The following NTRK3 variants were observed in gnomAD, a reference collection of about 807,000 sequenced individuals.
NTRK3 encodes NT-3 growth factor receptor.
Under a neutral mutation model 91.7 loss-of-function variants are expected in NTRK3, and 24 were observed. That is an observed-to-expected ratio of 0.26 (90% CI 0.19 to 0.37). The LOEUF (loss-of-function observed/expected upper bound fraction) is 0.37, where lower values mean the gene tolerates loss of function less well. Ranked by LOEUF, NTRK3 falls within the 10% of genes least tolerant of loss-of-function variation. The pLI, the probability that NTRK3 is intolerant of heterozygous loss-of-function variation, is 1.00. For synonymous variants in NTRK3, 483 were observed against 404.0 expected (o/e 1.20, Z -2.34); for missense variants, 880 against 1,068.9 (o/e 0.82, Z 2.46).
In NTRK3 at chr15:88,037,179, A is replaced by G. The variant is rs1397499005; in HGVS notation, c.1397-4134T>C. Among the ~76,000 whole-genome samples the G allele has an allele frequency of 2.0e-5, 3 of 152,214 alleles. No homozygotes were observed. In the East Asian group the frequency reaches 5.8e-4, roughly 29 times the overall value. The stretch of plus-strand genomic sequence containing the variant: ...ACATCAGAGCCCTGGGGACCCCAAT[A>G]CTTAAAATGTGGGCATTAGAAGGGG... On this transcript the variant is annotated intron_variant, in intron 13 of 18. Transcript: ENST00000394480.
intron 13 of NTRK3, chr15:88,099,183 T>A (rs1309122775): frequency 2.6e-5 from 6 of 230,552 alleles, no homozygotes; most frequent in African/African-American, 1.1e-4. Flanking sequence ...ACCGGTACAG[T>A]GTATTGGGCA....
At chr15:87,863,974 T>TACACACACAC in exon 19 of NTRK3, 1 of 202,398 alleles carries the variant, frequency 4.9e-6, no homozygotes, top group African/African-American at 2.5e-5. Context: ...CCAGGCAAAA[T>TACACACACAC]ACACACACAC....
intron 3 of NTRK3, among the ~76,000 whole-genome samples, chr15:88,204,873 G>A (rs754730575): frequency 2.5e-4 from 38 of 152,184 alleles, no homozygotes; most frequent in Non-Finnish European, 4.9e-4. Flanking sequence ...GGCTACCTGA[G>A]TGGTGAGGTA....
chr15:87,981,229 G>T, intron 14 of NTRK3: 1 of 1,581,714 alleles, frequency 6.3e-7, no homozygotes, highest in East Asian at 2.3e-5. Context: ...AACTCACCAT[G>T]TGACCTTGGG....
At chr15:88,017,913 T>C (rs1035239010) in intron 14 of NTRK3, among the ~76,000 whole-genome samples, 8 of 152,228 alleles carry the variant, frequency 5.3e-5, no homozygotes, top group African/African-American at 1.9e-4. Context: ...ACCAGTGGCA[T>C]GAGGGCTGCT....
chr15:88,239,816 C>G (rs1049557978), intron 3 of NTRK3, among the ~76,000 whole-genome samples: 1 of 152,272 alleles, frequency 6.6e-6, no homozygotes, highest in East Asian at 1.9e-4. Flanking sequence ...CCTCTGATCT[C>G]ACTCCAGGGA....
chr15:88,178,370 T>C (rs2046183926), intron 5 of NTRK3, among the ~76,000 whole-genome samples: 1 of 152,238 alleles, frequency 6.6e-6, no homozygotes, highest in African/African-American at 2.4e-5. Context: ...GTCAGTGTCC[T>C]GAAAGGGTAG....
At chr15:88,081,652 C>T (rs1424996668) in intron 13 of NTRK3, among the ~76,000 whole-genome samples, 2 of 152,212 alleles carry the variant, frequency 1.3e-5, no homozygotes, top group East Asian at 3.9e-4. Context: ...CCCCTTCCTT[C>T]TGAGCCCCCA....
At chr15:88,026,102 T>G (rs1220810996) in intron 14 of NTRK3, among the ~76,000 whole-genome samples, 2 of 152,034 alleles carry the variant, frequency 1.3e-5, no homozygotes, top group African/African-American at 2.4e-5. Context: ...AAACCCCTTC[T>G]CTACTAAAAA....
intron 13 of NTRK3, among the ~76,000 whole-genome samples, chr15:88,090,826 A>C (rs960822800): frequency 1.3e-5 from 2 of 152,120 alleles, no homozygotes; most frequent in African/African-American, 4.8e-5. Context: ...CCCAGGCAGC[A>C]AGCAACTGGC....
intron 3 of NTRK3, among the ~76,000 whole-genome samples, chr15:88,247,779 T>A (rs1598167821): frequency 6.6e-6 from 1 of 152,034 alleles, no homozygotes; most frequent in East Asian, 1.9e-4. Flanking sequence ...GTTGTATCTG[T>A]CTCCCACACT....
At chr15:88,097,559 G>A (rs2049744464) in intron 13 of NTRK3, among the ~76,000 whole-genome samples, 1 of 152,106 alleles carries the variant, frequency 6.6e-6, no homozygotes, top group Non-Finnish European at 1.5e-5. Context: ...AGGAATCTAA[G>A]GTATAGGATA....
At chr15:88,141,140 G>T (rs996544445) in intron 6 of NTRK3, among the ~76,000 whole-genome samples, 6 of 152,232 alleles carry the variant, frequency 3.9e-5, no homozygotes, top group African/African-American at 1.4e-4. Flanking sequence ...TCCTAGAAGG[G>T]GAAAGGGAAG....
chr15:88,029,003 G>A (rs2078288575), intron 14 of NTRK3, among the ~76,000 whole-genome samples: 1 of 152,184 alleles, frequency 6.6e-6, no homozygotes, highest in Admixed American at 6.5e-5. Context: ...ATAACTTTTA[G>A]CTTCTCCCAA....
intron 3 of NTRK3, among the ~76,000 whole-genome samples, chr15:88,188,061 C>G (rs1046177853): frequency 6.6e-6 from 1 of 152,176 alleles, no homozygotes; most frequent in Non-Finnish European, 1.5e-5. Flanking sequence ...CATCCCTGCC[C>G]GGACATCTTA....
chr15:87,940,176 T>C lies in NTRK3; in HGVS notation c.1716+447A>G, dbSNP rs138780000. Among the ~76,000 whole-genome samples the C allele has an allele frequency of 9.0e-4, 137 of 151,824 alleles. 1 individual carries two copies. The highest frequency in any genetic ancestry group is 3.1e-3 in the South Asian group (15 of 4,770). Reference sequence around the variant, plus strand: ...CCCCTCCCTCAACATCTATTCTCAGTGACTTCTGTGCCCTTGGGAAGTGGT... The same window carrying C: ...CCCCTCCCTCAACATCTATTCTCAGCGACTTCTGTGCCCTTGGGAAGTGGT... On this transcript the variant is annotated intron_variant, in intron 15 of 18. Transcript: ENST00000394480.
chr15:87,972,440 C>A (rs556863839), intron 14 of NTRK3, among the ~76,000 whole-genome samples: 2 of 152,304 alleles, frequency 1.3e-5, no homozygotes, highest in South Asian at 4.1e-4. Context: ...GCTCTGCAAA[C>A]CCTCTCCATA....
At chr15:88,165,194 C>T (rs1365120086) in intron 5 of NTRK3, among the ~76,000 whole-genome samples, 1 of 152,208 alleles carries the variant, frequency 6.6e-6, no homozygotes, top group African/African-American at 2.4e-5. Flanking sequence ...AAGGCTGGCA[C>T]TCTCAGGAAT....
intron 17 of NTRK3, among the ~76,000 whole-genome samples, chr15:87,906,630 C>T (rs1300569437): frequency 6.6e-6 from 1 of 152,126 alleles, no homozygotes; most frequent in Non-Finnish European, 1.5e-5. Flanking sequence ...CGATTTCATC[C>T]ATACAGTAAG....
Sources: gnomAD v4.1 joint callset for allele counts (sites outside exome capture counted in the v4.1 genomes callset) on GRCh38, gnomAD v4.1.1 for gene constraint, MANE v1.5 for transcripts, NCBI Gene and HGNC (gene_info 2026-07-23, HGNC 2026-07-21) for gene names.